Variants in SLC6A11 observed in about 807,000 individuals in gnomAD.
SLC6A11 encodes sodium- and chloride-dependent GABA transporter 3.
SLC6A11 carries 25 observed loss-of-function variants against 74.8 expected under a neutral mutation model. That is an observed-to-expected ratio of 0.33 (90% CI 0.24 to 0.47). The LOEUF is 0.47. Ranked by LOEUF, SLC6A11 falls within the 20% of genes least tolerant of loss-of-function variation. The pLI is 1.00. For synonymous variants in SLC6A11, 330 were observed against 330.2 expected, an observed-to-expected ratio of 1.00 and a Z score of 0.01; for missense variants, 574 against 837.0, an observed-to-expected ratio of 0.69 and a Z score of 3.88.
At chr3:10,917,311 G>A (rs1348002204) in intron 7 of SLC6A11, among the ~76,000 whole-genome samples, 2 of 152,286 alleles carry the variant, frequency 1.3e-5, no homozygotes, top group East Asian at 3.9e-4. Flanking sequence ...TGTCCAACAA[G>A]GGGAAAGTAC....
chr3:10,873,679 T>C (rs1306138010), intron 5 of SLC6A11, among the ~76,000 whole-genome samples: 71 of 102,416 alleles, frequency 6.9e-4, no homozygotes, highest in Admixed American at 3.1e-3. Flanking sequence ...TATCCTATCC[T>C]ATCCCGTCCC....
intron 6 of SLC6A11, among the ~76,000 whole-genome samples, chr3:10,897,007 C>T (rs891505515): frequency 2.0e-5 from 3 of 152,156 alleles, no homozygotes; most frequent in African/African-American, 7.2e-5. Context: ...AGGTGAGAGG[C>T]ACATCTCCCA....
At chr3:10,904,836 G>A (rs766861899) in intron 6 of SLC6A11, among the ~76,000 whole-genome samples, 3 of 152,250 alleles carry the variant, frequency 2.0e-5, no homozygotes, top group East Asian at 1.9e-4. Context: ...ACTCTCTCCC[G>A]TATAAGCTGT....
Position 10,868,227 on chromosome 3 carries a change from G to T in SLC6A11, c.757-6734G>T, listed in dbSNP as rs548258446. 2.6e-5 allele frequency among the ~76,000 whole-genome samples: 4 copies of T among 152,236 alleles called. No individual in the cohort carries two copies. In the South Asian group the frequency reaches 6.2e-4, roughly 24 times the overall value. On this transcript the variant is annotated intron_variant, in intron 5 of 13. Coordinates refer to ENST00000254488, the MANE Select transcript of SLC6A11 (RefSeq NM_014229.3). ...TCTGATTTTGTGGTCCTAGGTTCTT[G>T]CCCCACACTGCCCTGCTTTTTTGGA...
intron 6 of SLC6A11, among the ~76,000 whole-genome samples, chr3:10,877,411 G>A (rs148278326): frequency 1.3e-5 from 2 of 152,344 alleles, no homozygotes; most frequent in African/African-American, 4.8e-5. Context: ...CCTCCTGCCT[G>A]GAGCGGGTAT....
chr3:10,840,241 G>A (rs528272599), intron 4 of SLC6A11, among the ~76,000 whole-genome samples: 3 of 152,232 alleles, frequency 2.0e-5, no homozygotes, highest in South Asian at 4.2e-4. Flanking sequence ...AGCCCACCAT[G>A]CCCTTCTTTG....
chr3:10,817,467 A>G (rs990028652), intron 1 of SLC6A11, among the ~76,000 whole-genome samples: 2 of 152,196 alleles, frequency 1.3e-5, no homozygotes, highest in Non-Finnish European at 2.9e-5. Context: ...TCATATCGGC[A>G]GGACAGCTGG....
At chr3:10,859,556 C>T (rs1193994304) in intron 5 of SLC6A11, among the ~76,000 whole-genome samples, 4 of 152,130 alleles carry the variant, frequency 2.6e-5, no homozygotes, top group Admixed American at 2.0e-4. Context: ...GCAGTGGAAT[C>T]GTTAGCATGT....
chr3:10,870,241 C>T (rs1279473935), intron 5 of SLC6A11, among the ~76,000 whole-genome samples: 1 of 152,194 alleles, frequency 6.6e-6, no homozygotes, highest in Non-Finnish European at 1.5e-5. Context: ...GTCATGATCC[C>T]AGGAGTTTCA....
At chr3:10,938,186 C>G in intron 13 of SLC6A11, 64 bp from the exon 14 acceptor site, 1 of 1,474,260 alleles carries the variant, frequency 6.8e-7, no homozygotes, top group Non-Finnish European at 9.1e-7. Flanking sequence ...TGGGAGAGGC[C>G]ACGGCAGACC....
At chr3:10,910,780 G>A (rs1286510024) in intron 6 of SLC6A11, among the ~76,000 whole-genome samples, 2 of 151,962 alleles carry the variant, frequency 1.3e-5, no homozygotes, top group Non-Finnish European at 2.9e-5. Context: ...GCTGTAAGAG[G>A]GGGCCAATAA....
At chr3:10,887,393 A>G (rs568459873) in intron 6 of SLC6A11, among the ~76,000 whole-genome samples, 2 of 152,302 alleles carry the variant, frequency 1.3e-5, no homozygotes, top group African/African-American at 2.4e-5. Flanking sequence ...GAGAAGAACA[A>G]CATTATTTTC....
At chr3:10,879,347 A>G (rs964254300) in intron 6 of SLC6A11, among the ~76,000 whole-genome samples, 2 of 152,106 alleles carry the variant, frequency 1.3e-5, no homozygotes, top group Admixed American at 1.3e-4. Context: ...ACAAAACCCC[A>G]TGTATGTTGG....
At chr3:10,834,349 T>G (rs1442644646) in intron 4 of SLC6A11, among the ~76,000 whole-genome samples, 8 of 148,780 alleles carry the variant, frequency 5.4e-5, no homozygotes, top group Non-Finnish European at 8.9e-5. Flanking sequence ...TGTTTTTTTT[T>G]TTGTTTTTTT....
chr3:10,917,456 A>C (rs1406042890), intron 7 of SLC6A11, among the ~76,000 whole-genome samples: 1 of 152,150 alleles, frequency 6.6e-6, no homozygotes, highest in Non-Finnish European at 1.5e-5. Flanking sequence ...CTCCTCCCCT[A>C]TAAAATGGGG....
At chr3:10,938,054 C>T (rs1009587189) in intron 13 of SLC6A11, among the ~76,000 whole-genome samples, 196 bp from the exon 14 acceptor site, 5 of 152,146 alleles carry the variant, frequency 3.3e-5, no homozygotes, top group Non-Finnish European at 7.4e-5. Context: ...CCCCATTTTT[C>T]ATAGGAGGAA....
chr3:10,874,015 ATACCATCCTATCCTAT>A (rs1694878715), intron 5 of SLC6A11, among the ~76,000 whole-genome samples: 1 of 152,084 alleles, frequency 6.6e-6, no homozygotes, highest in Non-Finnish European at 1.5e-5. Flanking sequence ...ATGCTATGCT[ATACCATCCTATCCTAT>A]CCTACGTTAG....
chr3:10,870,855 C>T (rs2106601281), intron 5 of SLC6A11, among the ~76,000 whole-genome samples: 2 of 152,286 alleles, frequency 1.3e-5, no homozygotes, highest in East Asian at 3.9e-4. Context: ...TGCCTGCCAG[C>T]CAGTGGTTTC....
intron 3 of SLC6A11, among the ~76,000 whole-genome samples, chr3:10,821,323 T>A (rs1252166241): frequency 8.5e-5 from 13 of 152,202 alleles, no homozygotes; most frequent in Admixed American, 8.5e-4. Flanking sequence ...TATGCATGTT[T>A]ATAATTTAAG....
Sources: gnomAD v4.1 joint callset for allele counts (sites outside exome capture counted in the v4.1 genomes callset) on GRCh38, gnomAD v4.1.1 for gene constraint, MANE v1.5 for transcripts, NCBI Gene and HGNC (gene_info 2026-07-23, HGNC 2026-07-21) for gene names.